The following CHST9 variants were observed in gnomAD, a reference collection of about 807,000 sequenced individuals.
CHST9 encodes the protein GalNAc-4-sulfotransferase 2.
A neutral mutation model predicts 44.4 loss-of-function variants in CHST9; 41 were observed. The observed-to-expected ratio is 0.92, with a 90% CI of 0.72 to 1.20. CHST9 has a LOEUF of 1.20. CHST9 is among the 50% of genes most tolerant of loss of function. The pLI is 0.00. For missense variants in CHST9, 504 were observed against 516.5 expected, an observed-to-expected ratio of 0.98 and a Z score of 0.23; for synonymous variants, 171 against 178.4, an observed-to-expected ratio of 0.96 and a Z score of 0.33.
rs143855776 is a variant in CHST9, at chr18:27,072,828, G to A, written c.122-24325C>T. ...CTTATTAAGACTTATTGGTCCAGTA[G>A]GGGCTTCTCTTTCTGTTTGAGAAGT... On this transcript the variant is annotated intron_variant, in intron 2 of 5. Transcript: ENST00000618847. Among the ~76,000 whole-genome samples, 74 of 152,258 alleles carry A rather than the reference G, an allele frequency of 4.9e-4. 1 individual carries two copies. The East Asian group carries it at 0.014, about 29-fold the overall frequency.
chr18:27,159,398 T>C (rs2058726691), intron 1 of CHST9, among the ~76,000 whole-genome samples: 2 of 152,218 alleles, frequency 1.3e-5, no homozygotes, highest in East Asian at 1.9e-4. Flanking sequence ...TTGTCAGGTT[T>C]GTCAAAGATC....
intron 4 of CHST9, among the ~76,000 whole-genome samples, chr18:27,002,725 C>T (rs1328018508): frequency 2.0e-5 from 3 of 151,764 alleles, no homozygotes; most frequent in African/African-American, 7.3e-5. Context: ...GAAATGTAAC[C>T]CTATAATAAG....
chr18:26,960,356 T>C (rs569484925), intron 4 of CHST9, among the ~76,000 whole-genome samples: 1 of 152,222 alleles, frequency 6.6e-6, no homozygotes, highest in African/African-American at 2.4e-5. Context: ...TTTTACATCA[T>C]CCATAGTGAA....
At chr18:27,098,732 C>A (rs2143742091) in intron 2 of CHST9, among the ~76,000 whole-genome samples, 1 of 151,994 alleles carries the variant, frequency 6.6e-6, no homozygotes, top group African/African-American at 2.4e-5. Context: ...TGTTCTCACC[C>A]ATAAGTGGGA....
At chr18:27,132,345 T>C (rs1335280849) in intron 2 of CHST9, among the ~76,000 whole-genome samples, 1 of 152,196 alleles carries the variant, frequency 6.6e-6, no homozygotes, top group Non-Finnish European at 1.5e-5. Flanking sequence ...AAAAATAAAC[T>C]GCAGATAACA....
chr18:27,102,235 A>G (rs758983049), intron 2 of CHST9, among the ~76,000 whole-genome samples: 1 of 152,248 alleles, frequency 6.6e-6, no homozygotes, highest in Non-Finnish European at 1.5e-5. Context: ...AGTATGTTAA[A>G]ACTTTTGTAC....
At chr18:27,020,851 A>C (rs530099167) in intron 4 of CHST9, among the ~76,000 whole-genome samples, 1 of 152,290 alleles carries the variant, frequency 6.6e-6, no homozygotes, top group African/African-American at 2.4e-5. Flanking sequence ...GGGGTCCCCA[A>C]GGCTCATTAA....
intron 4 of CHST9, among the ~76,000 whole-genome samples, chr18:26,957,893 G>C (rs1568109069): frequency 6.6e-6 from 1 of 151,674 alleles, no homozygotes; most frequent in Non-Finnish European, 1.5e-5. Context: ...TGTTGTTTTT[G>C]TTTTCTTTTT....
intron 5 of CHST9, among the ~76,000 whole-genome samples, chr18:26,936,956 C>T (rs2056004038): frequency 6.6e-6 from 1 of 152,106 alleles, no homozygotes; most frequent in Non-Finnish European, 1.5e-5. Context: ...TGGGTACATA[C>T]ACAATGACAC....
At chr18:26,929,111 G>A (rs905245052) in intron 5 of CHST9, among the ~76,000 whole-genome samples, 1 of 152,156 alleles carries the variant, frequency 6.6e-6, no homozygotes, top group Non-Finnish European at 1.5e-5. Context: ...CTTTGGAAGT[G>A]TCCATGGTGT....
intron 2 of CHST9, among the ~76,000 whole-genome samples, chr18:27,086,531 T>C (rs1423980444): frequency 6.6e-6 from 1 of 152,224 alleles, no homozygotes; most frequent in Non-Finnish European, 1.5e-5. Context: ...CAAAAGAGTT[T>C]TCTAACAGGT....
At chr18:27,123,210 A>G (rs2143814860) in intron 2 of CHST9, among the ~76,000 whole-genome samples, 1 of 152,286 alleles carries the variant, frequency 6.6e-6, no homozygotes, top group South Asian at 2.1e-4. Flanking sequence ...CAGCATGGAT[A>G]TGGGGACCAT....
chr18:27,059,792 T>C (rs1814372173), intron 2 of CHST9, among the ~76,000 whole-genome samples: 1 of 152,220 alleles, frequency 6.6e-6, no homozygotes, highest in South Asian at 2.1e-4. Flanking sequence ...AGTTTTTCCT[T>C]TTTTATCTTG....
intron 1 of CHST9, among the ~76,000 whole-genome samples, chr18:27,154,243 C>T (rs981509081): frequency 6.6e-6 from 1 of 151,780 alleles, no homozygotes; most frequent in Non-Finnish European, 1.5e-5. Flanking sequence ...GTTATATTCT[C>T]GGTGCTACTA....
chr18:26,990,890 C>G (rs1032604029), intron 4 of CHST9, among the ~76,000 whole-genome samples: 1 of 152,120 alleles, frequency 6.6e-6, no homozygotes, highest in African/African-American at 2.4e-5. Flanking sequence ...GCTCTTCAGG[C>G]CTATCTTATT....
At chr18:26,919,765 C>A (rs1187521048) in intron 5 of CHST9, among the ~76,000 whole-genome samples, 1 of 152,148 alleles carries the variant, frequency 6.6e-6, no homozygotes, top group Non-Finnish European at 1.5e-5. Context: ...TCAAATTCCC[C>A]TTTAATCTCC....
intron 1 of CHST9, among the ~76,000 whole-genome samples, chr18:27,176,098 G>C (rs2058866248): frequency 6.6e-6 from 1 of 151,982 alleles, no homozygotes; most frequent in South Asian, 2.1e-4. Context: ...CTTGAAGAAA[G>C]CCAGGCAGCT....
chr18:27,064,227 C>G (rs936637619), intron 2 of CHST9, among the ~76,000 whole-genome samples: 2 of 150,958 alleles, frequency 1.3e-5, no homozygotes, highest in South Asian at 4.2e-4. Context: ...AAAAATGTTA[C>G]AAAATTCAGA....
chr18:27,181,665 C>A (rs1049042708), intron 1 of CHST9, among the ~76,000 whole-genome samples: 5 of 152,168 alleles, frequency 3.3e-5, no homozygotes, highest in African/African-American at 9.7e-5. Flanking sequence ...TTTTCAGGAG[C>A]AACCTATTAT....
Sources: allele counts gnomAD v4.1 joint callset (sites outside exome capture counted in the v4.1 genomes callset), GRCh38; gene constraint gnomAD v4.1.1; transcripts MANE v1.5; gene names NCBI Gene and HGNC (gene_info 2026-07-23, HGNC 2026-07-21).